Variants in LRRC9 observed in about 807,000 individuals in gnomAD.
The protein encoded by LRRC9 is leucine rich repeat containing 9, also known as leucine-rich repeat-containing protein 9.
A neutral mutation model predicts 63.2 loss-of-function variants in LRRC9; 122 were observed. The ratio of observed to expected loss-of-function variants is 1.93; its 90% CI spans 1.67 to 2.24. The LOEUF (loss-of-function observed/expected upper bound fraction) is 2.24, where lower values mean the gene tolerates loss of function less well. Ranked by LOEUF, LRRC9 falls within the 30% of genes most tolerant of loss-of-function variation. The pLI, the probability that LRRC9 is intolerant of heterozygous loss-of-function variation, is 0.00. For synonymous variants in LRRC9, 366 were observed against 213.1 expected, an observed-to-expected ratio of 1.72 and a Z score of -6.25; for missense variants, 1,071 against 627.7, an observed-to-expected ratio of 1.71 and a Z score of -7.55.
At chr14:60,023,127 C>G (rs1274040003) in intron 27 of LRRC9, among the ~76,000 whole-genome samples, 1 of 151,536 alleles carries the variant, frequency 6.6e-6, no homozygotes, top group African/African-American at 2.4e-5. Flanking sequence ...ACTTAAAAAA[C>G]AATAAAAAAA....
Position 59,962,430 on chromosome 14 carries a change from G to A in LRRC9, c.1211+1385G>A, listed in dbSNP as rs1341383284. Among the ~76,000 whole-genome samples, 1 of 151,446 alleles carries A rather than the reference G, an allele frequency of 6.6e-6. No homozygotes were observed. Among genetic ancestry groups the A allele is most frequent in the Non-Finnish European group, 1.5e-5 (1 of 67,904 alleles). ...CAGGATTTTTTTTTTTTGAGATAGAGTCTCGCTGTGTCCCCGAGACTGGAG... is the reference window on the plus strand; with the variant it reads ...CAGGATTTTTTTTTTTTGAGATAGAATCTCGCTGTGTCCCCGAGACTGGAG... On this transcript the variant is annotated intron_variant, in intron 10 of 31. Transcript: ENST00000445360. The surrounding 1 kb of genome is among the most constrained non-coding windows in gnomAD (Gnocchi z 5.1).
At chr14:59,920,968 A>G (rs1344110035) in intron 1 of LRRC9, among the ~76,000 whole-genome samples, 3 of 152,196 alleles carry the variant, frequency 2.0e-5, no homozygotes, top group African/African-American at 7.2e-5. Context: ...GCCCGTAAAC[A>G]TTGTTTTACA....
intron 8 of LRRC9, among the ~76,000 whole-genome samples, chr14:59,955,638 C>T (rs1883662452): frequency 1.3e-5 from 2 of 152,128 alleles, no homozygotes; most frequent in Admixed American, 6.6e-5. Context: ...ATGTCTCTAC[C>T]TCCTTCAGTT....
At chr14:60,057,397 T>A (rs1894362919) in intron 30 of LRRC9, among the ~76,000 whole-genome samples, 1 of 152,126 alleles carries the variant, frequency 6.6e-6, no homozygotes, top group African/African-American at 2.4e-5. Context: ...TTTTCTTAAC[T>A]CCCATTTTAT....
intron 17 of LRRC9, among the ~76,000 whole-genome samples, chr14:59,992,652 C>T (rs977215203): frequency 6.6e-5 from 10 of 152,098 alleles, no homozygotes; most frequent in African/African-American, 1.4e-4. Flanking sequence ...ACAAGAGCTA[C>T]GTGACAAATA....
chr14:59,993,100 A>G lies in LRRC9; in HGVS notation c.2212-4556A>G, dbSNP rs182530757. On this transcript the variant is annotated intron_variant, in intron 17 of 31. Transcript: ENST00000445360. ...CAAAGGGAAAGTCCATCAGACTAAC[A>G]GCTGATCTCTCGGCAGAAACTCTAC... is the stretch of plus-strand genomic sequence containing the variant. 5.4e-3 allele frequency among the ~76,000 whole-genome samples: 829 copies of G among 152,358 alleles called. 9 individuals are homozygous for G. The highest frequency in any genetic ancestry group is 0.019 in the African/African-American group (797 of 41,580).
intron 19 of LRRC9, among the ~76,000 whole-genome samples, chr14:59,999,822 GA>G (rs972965539): frequency 6.6e-6 from 1 of 151,830 alleles, no homozygotes; most frequent in Non-Finnish European, 1.5e-5. Context: ...TCAAAATTTT[GA>G]AAAGAAATTT....
chr14:59,949,580 T>C (rs1299061514), intron 8 of LRRC9, among the ~76,000 whole-genome samples: 1 of 144,108 alleles, frequency 6.9e-6, no homozygotes, highest in Admixed American at 7.1e-5. Flanking sequence ...TTGCTTTTAA[T>C]TGTGATGTTA....
chr14:59,932,118 A>T lies in LRRC9; in HGVS notation c.543+79A>T. ...TTGTGTTGCAGAAACTGTACTAAAAAGTCCCCCATTAAGGAATAAGTTCAT... is the reference window on the plus strand; with the variant it reads ...TTGTGTTGCAGAAACTGTACTAAAATGTCCCCCATTAAGGAATAAGTTCAT... On this transcript the variant is annotated intron_variant, in intron 6 of 31. Transcript: ENST00000445360. The surrounding 1 kb of genome is among the most constrained non-coding windows in gnomAD (Gnocchi z 4.7). 1 of 639,352 alleles carries T rather than the reference A, an allele frequency of 1.6e-6. No homozygotes were observed. Among genetic ancestry groups the T allele is most frequent in the Admixed American group, 2.7e-5 (1 of 36,918 alleles). 39.6% of individuals were successfully genotyped at this position (639,352 alleles called of 1,614,324 possible).
At chr14:60,034,004 A>ATT (rs1217831017) in intron 29 of LRRC9, among the ~76,000 whole-genome samples, 2 of 117,240 alleles carry the variant, frequency 1.7e-5, no homozygotes, top group Non-Finnish European at 3.5e-5. Context: ...TTTTTATGTA[A>ATT]TTTTTTCTTT....
At chr14:59,998,823 C>G (rs1889068546) in intron 18 of LRRC9, among the ~76,000 whole-genome samples, 1 of 152,030 alleles carries the variant, frequency 6.6e-6, no homozygotes, top group Non-Finnish European at 1.5e-5. Context: ...ACAGGAGTCA[C>G]TACAGTTGTT....
chr14:59,952,943 G>A (rs150287721), intron 8 of LRRC9, among the ~76,000 whole-genome samples: 2,174 of 152,260 alleles, frequency 0.014, 53 homozygotes, highest in East Asian at 0.059. Context: ...TTTGCTGAGA[G>A]TGATGGCTTC....
At chr14:60,030,413 T>C (rs924930943) in intron 28 of LRRC9, 2 of 152,064 alleles carry the variant, frequency 1.3e-5, no homozygotes, top group African/African-American at 2.4e-5. Context: ...AATTGAAAGA[T>C]TCATTATTTA....
At chr14:60,057,809 T>C in intron 30 of LRRC9, 69 bp from the exon 31 acceptor site, 1 of 510,542 alleles carries the variant, frequency 2.0e-6, no homozygotes, top group Non-Finnish European at 3.6e-6. Flanking sequence ...AGACTTGTTA[T>C]AAGGATTAAG....
intron 8 of LRRC9, among the ~76,000 whole-genome samples, chr14:59,954,880 C>G (rs1194091895): frequency 1.3e-5 from 2 of 152,064 alleles, no homozygotes; most frequent in African/African-American, 4.8e-5. Flanking sequence ...TATCAAAGGC[C>G]TTTTCTGCAT....
At chr14:59,924,365 T>C (rs1019018235) in intron 1 of LRRC9, among the ~76,000 whole-genome samples, 1 of 152,248 alleles carries the variant, frequency 6.6e-6, no homozygotes, top group Admixed American at 6.5e-5. Flanking sequence ...TTCCAAATTC[T>C]TTCAGGTTGC....
At position 59,990,463 on chromosome 14, in the gene LRRC9, G is replaced by A. The variant is rs911134894; in HGVS notation, c.2211+5239G>A. Among the ~76,000 whole-genome samples the A allele has an allele frequency of 2.6e-5, 4 of 151,810 alleles. No individual in the cohort carries two copies. Among genetic ancestry groups the A allele is most frequent in the Admixed American group, 1.3e-4 (2 of 15,250 alleles). On this transcript the variant is annotated intron_variant, in intron 17 of 31. Coordinates refer to ENST00000445360, the Ensembl canonical transcript of LRRC9. This position sits in a 1 kb window ranked among gnomAD's most constrained non-coding sequence, Gnocchi z 4.2. ...CTGTCACCCAGGCTGGAATGCAATG[G>A]CATAATCATAGAGTACACTGCAGCC...
chr14:60,032,331 T>G (rs903849671), intron 29 of LRRC9, among the ~76,000 whole-genome samples: 1 of 152,084 alleles, frequency 6.6e-6, no homozygotes, highest in African/African-American at 2.4e-5. Context: ...GTTAATTAAT[T>G]GATGTTTTGT....
At chr14:59,977,721 A>G (rs989094931) in intron 14 of LRRC9, among the ~76,000 whole-genome samples, 6 of 152,042 alleles carry the variant, frequency 3.9e-5, no homozygotes, top group African/African-American at 1.2e-4. Context: ...GAAAAGGAAA[A>G]GGATATGAAT....
Sources: gnomAD v4.1 joint callset for allele counts (sites outside exome capture counted in the v4.1 genomes callset) on GRCh38, gnomAD v4.1.1 for gene constraint, Gnocchi (gnomAD v3.1) non-coding constraint, MANE v1.5 for transcripts, NCBI Gene and HGNC (gene_info 2026-07-23, HGNC 2026-07-21) for gene names.